Variants in CREG1 observed in about 807,000 individuals in gnomAD.
The protein encoded by CREG1 is cellular repressor of E1A stimulated genes 1, also known as protein CREG1.
Under a neutral mutation model 19.9 loss-of-function variants are expected in CREG1, and 20 were observed. That is an observed-to-expected ratio of 1.01 (90% CI 0.71 to 1.46). The LOEUF is 1.46. Among genes scored for constraint, CREG1 ranks in the 40% most tolerant of loss-of-function variants. CREG1 has a pLI of 0.00. For missense variants in CREG1, 290 were observed against 314.9 expected (o/e 0.92, Z 0.60); for synonymous variants, 141 against 143.3 (o/e 0.98, Z 0.12).
Position 167,553,762 on chromosome 1 carries a change from T to C in CREG1, c.-21A>G. On this transcript the variant is annotated 5_prime_UTR_variant, in exon 1 of 4. Coordinates refer to ENST00000370509, the MANE Select transcript of CREG1 (RefSeq NM_003851.3). Reference sequence around the variant, plus strand: ...GCCATGGCGGTGTCTCCAGGAAGAGTCCCGGGCCCCAAGACCTGCAGGGAC... The same window carrying C: ...GCCATGGCGGTGTCTCCAGGAAGAGCCCCGGGCCCCAAGACCTGCAGGGAC... 1 of 1,210,918 alleles carries C rather than the reference T, an allele frequency of 8.3e-7. No homozygotes were observed. Among genetic ancestry groups the C allele is most frequent in the Non-Finnish European group, 1.0e-6 (1 of 958,828 alleles). 75.0% of individuals were successfully genotyped at this position (1,210,918 alleles called of 1,614,324 possible).
intron 3 of CREG1, among the ~76,000 whole-genome samples, chr1:167,542,683 T>C (rs1323457823): frequency 6.6e-6 from 1 of 152,230 alleles, no homozygotes; most frequent in Non-Finnish European, 1.5e-5. Flanking sequence ...GAAGGGGTCC[T>C]GAACATCAGG....
chr1:167,547,956 G>A (rs1263542360), intron 2 of CREG1, 46 bp downstream of exon 2: 7 of 1,571,572 alleles, frequency 4.5e-6, no homozygotes, highest in Non-Finnish European at 6.1e-6. Context: ...TTGTGAATAC[G>A]ATGGTGTTCT....
chr1:167,544,226 G>A (rs1016190640), intron 3 of CREG1, among the ~76,000 whole-genome samples: 2 of 152,142 alleles, frequency 1.3e-5, no homozygotes, highest in African/African-American at 4.8e-5. Context: ...TTCCAACAGA[G>A]TGTGAGAGTG....
In CREG1 at chr1:167,546,184, C is replaced by A. The variant is rs1656318994; in HGVS notation, c.576G>T (p.Leu192Phe). 1 of 1,613,630 alleles carries A rather than the reference C, an allele frequency of 6.2e-7. No individual in the cohort carries two copies. Among genetic ancestry groups the A allele is most frequent in the Non-Finnish European group, 8.5e-7 (1 of 1,179,892 alleles). ...PSSHNWFFAK[L>F]NITNIWVLDY... ...CCAGGACCCAGATATTGGTTATATTCAACTTAGCAAAGAACCAATTATGGC... is the reference window on the plus strand; with the variant it reads ...CCAGGACCCAGATATTGGTTATATTAAACTTAGCAAAGAACCAATTATGGC... The change falls in exon 3 of 4, where the codon TTG (leucine) becomes TTT (phenylalanine). Residue 192 changes from leucine to phenylalanine, a missense_variant. By Grantham distance (22) the Leu-to-Phe change is conservative. Coordinates refer to ENST00000370509, the MANE Select transcript of CREG1 (RefSeq NM_003851.3).
intron 1 of CREG1, among the ~76,000 whole-genome samples, chr1:167,549,233 C>T (rs1656380514): frequency 6.6e-6 from 1 of 152,102 alleles, no homozygotes; most frequent in Non-Finnish European, 1.5e-5. Flanking sequence ...GGAGAGGGCT[C>T]CAACCTAAGT....
chr1:167,547,851 GCA>G, intron 2 of CREG1, 149 bp downstream of exon 2: 1 of 709,942 alleles, frequency 1.4e-6, no homozygotes, highest in Non-Finnish European at 2.2e-6. Context: ...AACCCAGGAG[GCA>G]GAGGTTGCAG....
intron 1 of CREG1, among the ~76,000 whole-genome samples, chr1:167,548,417 T>C (rs1285219284): frequency 6.6e-6 from 1 of 152,258 alleles, no homozygotes; most frequent in Non-Finnish European, 1.5e-5. Flanking sequence ...ATTATAATTA[T>C]AGTGACACCC....
chr1:167,542,479 A>G (rs1175677135), intron 3 of CREG1, among the ~76,000 whole-genome samples, 178 bp from the exon 4 acceptor site: 1 of 152,192 alleles, frequency 6.6e-6, no homozygotes, highest in African/African-American at 2.4e-5. Context: ...CAGACTCCTG[A>G]GTTTCGGTTT....
At chr1:167,546,591 G>C (rs758743012) in intron 2 of CREG1, among the ~76,000 whole-genome samples, 2 of 152,010 alleles carry the variant, frequency 1.3e-5, no homozygotes, top group Middle Eastern at 6.8e-3. Flanking sequence ...GCGGTGAGCC[G>C]AGATCGTGCC....
intron 3 of CREG1, among the ~76,000 whole-genome samples, chr1:167,543,089 T>C (rs1309077114): frequency 2.6e-5 from 4 of 151,738 alleles, no homozygotes; most frequent in Non-Finnish European, 5.9e-5. Flanking sequence ...CTACTAAAAA[T>C]ACAAAAAATT....
chr1:167,549,853 A>ATTT (rs1656395154), intron 1 of CREG1, among the ~76,000 whole-genome samples: 1 of 150,288 alleles, frequency 6.7e-6, no homozygotes, highest in Non-Finnish European at 1.5e-5. Context: ...CCCGGCTAAT[A>ATTT]TTTTTTTATT....
chr1:167,545,552 C>T (rs1571625026), intron 3 of CREG1, among the ~76,000 whole-genome samples: 1 of 152,262 alleles, frequency 6.6e-6, no homozygotes, highest in South Asian at 2.1e-4. Flanking sequence ...AAAGGCCAGG[C>T]ATGGTCGCTC....
At position 167,542,085 on chromosome 1, in the gene CREG1, G is replaced by C; in HGVS notation, c.*213C>G. On this transcript the variant is annotated 3_prime_UTR_variant, in exon 4 of 4. Coordinates refer to ENST00000370509, the MANE Select transcript of CREG1 (RefSeq NM_003851.3). ...CTCTACGAAAATGGCTTCAAAATAGGAAAAAAGTAGCTACCACATCTTCCA... is the reference window on the plus strand; with the variant it reads ...CTCTACGAAAATGGCTTCAAAATAGCAAAAAAGTAGCTACCACATCTTCCA... The C allele has an allele frequency of 2.2e-6, 1 of 456,548 alleles. No individual in the cohort carries two copies. The highest frequency in any genetic ancestry group is 3.9e-6 in the Non-Finnish European group (1 of 256,132). 28.3% of individuals were successfully genotyped at this position (456,548 alleles called of 1,614,324 possible).
intron 2 of CREG1, among the ~76,000 whole-genome samples, chr1:167,547,589 G>A (rs1423911711): frequency 6.6e-6 from 1 of 152,110 alleles, no homozygotes. Flanking sequence ...TGTTCTGACT[G>A]GGCATGGCAA....
chr1:167,544,162 G>A (rs1310539618), intron 3 of CREG1, among the ~76,000 whole-genome samples: 1 of 152,172 alleles, frequency 6.6e-6, no homozygotes, highest in African/African-American at 2.4e-5. Flanking sequence ...AGTGGCCCGT[G>A]CCTCTCCTGC....
Position 167,553,719 on chromosome 1 carries a change from G to T in CREG1, c.23C>A (p.Ser8Tyr), listed in dbSNP as rs1354346200. 1.5e-6 allele frequency: 2 copies of T among 1,292,768 alleles called. No individual in the cohort carries two copies. Among genetic ancestry groups the T allele is most frequent in the South Asian group, 2.5e-5 (1 of 39,946 alleles). The allele number at this position is 1,292,768 out of a possible 1,614,324, so 80.1% of individuals were successfully genotyped here. A position where few individuals can be genotyped will look rare whatever the true frequency, so the allele number is the denominator to read the frequency against. The change falls in exon 1 of 4, where the codon TCC becomes TAC. Residue 8 changes from serine (S) to tyrosine (Y), a missense_variant. Transcript: ENST00000370509. MAGLSRG[S>Y]ARALLAALLA... ...CAGGGCGGCGAGCAGTGCGCGCGCG[G>T]ACCCGCGGGATAGCCCGGCCATGGC...
chr1:167,551,251 C>A (rs769894319), intron 1 of CREG1, among the ~76,000 whole-genome samples: 2 of 152,184 alleles, frequency 1.3e-5, no homozygotes, highest in Non-Finnish European at 2.9e-5. Context: ...AAACCTAGGT[C>A]TTTTTGTTCC....
chr1:167,552,620 A>T (rs181526471), intron 1 of CREG1, among the ~76,000 whole-genome samples: 1 of 152,190 alleles, frequency 6.6e-6, no homozygotes, highest in South Asian at 2.1e-4. Context: ...ATCGTCCATG[A>T]TATTGTACGT....
chr1:167,544,900 G>A (rs186262128), intron 3 of CREG1, among the ~76,000 whole-genome samples: 1 of 152,216 alleles, frequency 6.6e-6, no homozygotes, highest in East Asian at 1.9e-4. Flanking sequence ...CCCCAGATAT[G>A]CCAGAATTCC....
Sources: allele counts gnomAD v4.1 joint callset (sites outside exome capture counted in the v4.1 genomes callset), GRCh38; gene constraint gnomAD v4.1.1; transcripts MANE v1.5; gene names NCBI Gene and HGNC (gene_info 2026-07-23, HGNC 2026-07-21).